GALNTL6: variants seen among roughly 807,000 people sequenced by gnomAD.
GALNTL6 encodes polypeptide N-acetylgalactosaminyltransferase-like 6.
GALNTL6 carries 46 observed loss-of-function variants against 73.7 expected under a neutral mutation model. The ratio of observed to expected loss-of-function variants is 0.62; its 90% CI spans 0.49 to 0.80. The LOEUF (loss-of-function observed/expected upper bound fraction) is 0.80. Ranked by LOEUF, GALNTL6 falls within the 30% of genes least tolerant of loss-of-function variation. The pLI, the probability that GALNTL6 is intolerant of heterozygous loss-of-function variation, is 0.00. For synonymous variants in GALNTL6, 259 were observed against 263.7 expected, an observed-to-expected ratio of 0.98 and a Z score of 0.17; for missense variants, 604 against 755.0, an observed-to-expected ratio of 0.80 and a Z score of 2.34.
intron 2 of GALNTL6, among the ~76,000 whole-genome samples, chr4:171,835,090 GA>G (rs1430731030): frequency 5.3e-5 from 8 of 151,966 alleles, no homozygotes; most frequent in African/African-American, 1.9e-4. Flanking sequence ...TTGAAAGAAA[GA>G]TTGACAAACA....
intron 5 of GALNTL6, among the ~76,000 whole-genome samples, chr4:172,557,946 T>C (rs955866199): frequency 1.3e-5 from 2 of 152,094 alleles, no homozygotes; most frequent in African/African-American, 4.8e-5. Flanking sequence ...TGTACAGGAA[T>C]AGTTATAGAA....
chr4:172,097,119 T>A (rs1256557716), intron 2 of GALNTL6, among the ~76,000 whole-genome samples: 1 of 152,136 alleles, frequency 6.6e-6, no homozygotes, highest in Non-Finnish European at 1.5e-5. Flanking sequence ...GGGAAATTTC[T>A]TCACAGGCAT....
intron 5 of GALNTL6, among the ~76,000 whole-genome samples, chr4:172,438,039 G>T (rs1731698320): frequency 6.6e-6 from 1 of 151,964 alleles, no homozygotes; most frequent in South Asian, 2.1e-4. Flanking sequence ...TGTTATCAAT[G>T]GATTCTCCCA....
intron 7 of GALNTL6, among the ~76,000 whole-genome samples, chr4:172,871,712 C>A (rs17058978): frequency 1.3e-5 from 2 of 151,296 alleles, no homozygotes; most frequent in African/African-American, 2.4e-5. Flanking sequence ...TGGTACAATT[C>A]TTTCTCAATG....
intron 5 of GALNTL6, among the ~76,000 whole-genome samples, chr4:172,622,239 CATAA>C (rs1224468371): frequency 6.6e-6 from 1 of 152,072 alleles, no homozygotes; most frequent in Non-Finnish European, 1.5e-5. Flanking sequence ...AAAAACAAAT[CATAA>C]ATAAAATAAT....
chr4:172,538,232 G>A (rs1323447348), intron 5 of GALNTL6, among the ~76,000 whole-genome samples: 1 of 152,044 alleles, frequency 6.6e-6, no homozygotes, highest in Non-Finnish European at 1.5e-5. Context: ...AGACTGAGGT[G>A]GGCAGATCAT....
intron 9 of GALNTL6, among the ~76,000 whole-genome samples, chr4:172,946,729 G>C (rs1040370318): frequency 1.3e-5 from 2 of 152,196 alleles, no homozygotes; most frequent in African/African-American, 2.4e-5. Context: ...GGGTTGAATA[G>C]AGGAACATTT....
At chr4:172,392,482 T>C (rs1046618990) in intron 5 of GALNTL6, among the ~76,000 whole-genome samples, 2 of 150,012 alleles carry the variant, frequency 1.3e-5, no homozygotes, top group Non-Finnish European at 3.0e-5. Flanking sequence ...TTTTTTAATA[T>C]AGAGCAGTCT....
At chr4:171,890,514 G>A (rs1054381073) in intron 2 of GALNTL6, among the ~76,000 whole-genome samples, 1 of 151,922 alleles carries the variant, frequency 6.6e-6, no homozygotes, top group African/African-American at 2.4e-5. Flanking sequence ...CTATCTTCTT[G>A]AAAGATATGA....
chr4:171,980,531 C>T (rs1202535649), intron 2 of GALNTL6, among the ~76,000 whole-genome samples: 2 of 152,124 alleles, frequency 1.3e-5, no homozygotes, highest in African/African-American at 4.8e-5. Context: ...CACATCTACC[C>T]GCACCACTGT....
chr4:171,890,828 G>T (rs1333097253), intron 2 of GALNTL6, among the ~76,000 whole-genome samples: 1 of 152,050 alleles, frequency 6.6e-6, no homozygotes, highest in East Asian at 1.9e-4. Flanking sequence ...AGGGGTGGAG[G>T]TCCCATACAA....
At chr4:172,420,791 A>G (rs916801845) in intron 5 of GALNTL6, among the ~76,000 whole-genome samples, 1 of 152,138 alleles carries the variant, frequency 6.6e-6, no homozygotes, top group Non-Finnish European at 1.5e-5. Flanking sequence ...TAGACTAGAT[A>G]AAGAAAATGT....
intron 5 of GALNTL6, among the ~76,000 whole-genome samples, chr4:172,804,049 G>GA (rs1280528134): frequency 2.6e-5 from 4 of 152,142 alleles, no homozygotes; most frequent in African/African-American, 9.7e-5. Flanking sequence ...AAAGAATATA[G>GA]AAAATGTCTT....
At position 172,208,836 on chromosome 4, in the gene GALNTL6, A is replaced by G. The variant is rs554527350; in HGVS notation, c.139-20820A>G. On this transcript the variant is annotated intron_variant, in intron 2 of 12. Coordinates refer to ENST00000506823, the MANE Select transcript of GALNTL6 (RefSeq NM_001034845.3). ...AAGAGTGATGAAGTCTCCTTTAATC[A>G]TGTCTGTGTGAGAAACCGAAGAACC... is the stretch of plus-strand genomic sequence containing the variant. 1.6e-4 allele frequency among the ~76,000 whole-genome samples: 25 copies of G among 152,252 alleles called. 1 individual carries two copies. The South Asian group carries it at 5.0e-3, about 30-fold the overall frequency.
intron 7 of GALNTL6, among the ~76,000 whole-genome samples, chr4:172,874,849 C>T (rs774429688): frequency 6.6e-6 from 1 of 152,108 alleles, no homozygotes; most frequent in East Asian, 1.9e-4. Context: ...TTGTGAAGCT[C>T]GGGACATTCG....
At chr4:172,389,274 G>A (rs1743579762) in intron 5 of GALNTL6, among the ~76,000 whole-genome samples, 1 of 151,704 alleles carries the variant, frequency 6.6e-6, no homozygotes, top group Non-Finnish European at 1.5e-5. Flanking sequence ...AATTCAAAAT[G>A]TTTTAAAAAT....
intron 2 of GALNTL6, among the ~76,000 whole-genome samples, chr4:171,918,447 G>A (rs1467382181): frequency 6.6e-6 from 1 of 152,102 alleles, no homozygotes; most frequent in Non-Finnish European, 1.5e-5. Flanking sequence ...CAAAAGAGTA[G>A]TGGTAATTCT....
intron 5 of GALNTL6, among the ~76,000 whole-genome samples, chr4:172,479,597 T>C (rs1413111015): frequency 6.6e-6 from 1 of 152,096 alleles, no homozygotes; most frequent in African/African-American, 2.4e-5. Context: ...AATCACCTGT[T>C]AGGTATAATG....
intron 3 of GALNTL6, among the ~76,000 whole-genome samples, chr4:172,283,705 A>G (rs1739143847): frequency 6.6e-6 from 1 of 152,178 alleles, no homozygotes; most frequent in Admixed American, 6.5e-5. Flanking sequence ...CAGACTGAAT[A>G]TAATGCCATA....
Sources: allele counts gnomAD v4.1 joint callset (sites outside exome capture counted in the v4.1 genomes callset), GRCh38; gene constraint gnomAD v4.1.1; transcripts MANE v1.5; gene names NCBI Gene and HGNC (gene_info 2026-07-23, HGNC 2026-07-21).